The following SWT1 variants were observed in gnomAD, a reference collection of about 807,000 sequenced individuals.
The protein encoded by SWT1 is transcriptional protein SWT1.
A neutral mutation model predicts 107.3 loss-of-function variants in SWT1; 33 were observed. The ratio of observed to expected loss-of-function variants is 0.31; its 90% CI spans 0.23 to 0.41. The LOEUF (loss-of-function observed/expected upper bound fraction) is 0.41. Among genes scored for constraint, SWT1 ranks in the 10% least tolerant of loss-of-function variants. The pLI is 1.00. For missense variants in SWT1, 898 were observed against 1,028.9 expected (o/e 0.87, Z 1.74); for synonymous variants, 345 against 348.3 (o/e 0.99, Z 0.11).
chr1:185,250,162 C>G (rs1453694601), intron 16 of SWT1, among the ~76,000 whole-genome samples: 1 of 152,164 alleles, frequency 6.6e-6, no homozygotes, highest in Non-Finnish European at 1.5e-5. Context: ...GTGTCTCACT[C>G]TGTCATCCAG....
chr1:185,199,285 G>A (rs1657671091), intron 10 of SWT1, among the ~76,000 whole-genome samples: 1 of 152,110 alleles, frequency 6.6e-6, no homozygotes, highest in South Asian at 2.1e-4. Context: ...ATTTGATTCT[G>A]TCATTATGAT....
intron 16 of SWT1, among the ~76,000 whole-genome samples, chr1:185,268,853 C>CTTT (rs71101966): frequency 1.9e-4 from 25 of 134,558 alleles, no homozygotes; most frequent in African/African-American, 5.7e-4. Flanking sequence ...TTCTTTTTCT[C>CTTT]TTTTTTTTTT....
At chr1:185,238,830 C>T (rs1407021296) in intron 16 of SWT1, among the ~76,000 whole-genome samples, 11 of 151,750 alleles carry the variant, frequency 7.2e-5, no homozygotes, top group Non-Finnish European at 1.5e-4. Flanking sequence ...GAAACAAAAT[C>T]ATGTTAAATC....
At chr1:185,243,236 G>A (rs1422053432) in intron 16 of SWT1, among the ~76,000 whole-genome samples, 1 of 152,032 alleles carries the variant, frequency 6.6e-6, no homozygotes, top group Admixed American at 6.6e-5. Flanking sequence ...AGCCTCTGGA[G>A]TACTTGGGAC....
chr1:185,240,128 C>G (rs1046837153), intron 16 of SWT1, among the ~76,000 whole-genome samples: 1 of 151,860 alleles, frequency 6.6e-6, no homozygotes, highest in African/African-American at 2.4e-5. Flanking sequence ...AGCTAGCTGC[C>G]TGATTTAGAA....
At chr1:185,212,172 A>G (rs563291246) in intron 13 of SWT1, among the ~76,000 whole-genome samples, 1 of 152,242 alleles carries the variant, frequency 6.6e-6, no homozygotes, top group African/African-American at 2.4e-5. Flanking sequence ...AAACCTGCAC[A>G]TTGTGCACAT....
intron 10 of SWT1, among the ~76,000 whole-genome samples, chr1:185,191,552 C>T (rs370559524): frequency 6.6e-6 from 1 of 152,014 alleles, no homozygotes; most frequent in East Asian, 1.9e-4. Flanking sequence ...TGGAAACATT[C>T]TAGTCAGTGT....
chr1:185,218,610 CT>C (rs879783007), intron 14 of SWT1, among the ~76,000 whole-genome samples: 20 of 152,176 alleles, frequency 1.3e-4, no homozygotes, highest in Non-Finnish European at 2.6e-4. Flanking sequence ...CATGCCCTGC[CT>C]TTTCCAGATT....
At chr1:185,222,621 C>A (rs943689224) in intron 15 of SWT1, among the ~76,000 whole-genome samples, 1 of 151,682 alleles carries the variant, frequency 6.6e-6, no homozygotes, top group African/African-American at 2.4e-5. Flanking sequence ...AAAAATAAGC[C>A]GGGCGTGATG....
chr1:185,283,120 T>C (rs1664739867), intron 18 of SWT1, among the ~76,000 whole-genome samples: 1 of 152,202 alleles, frequency 6.6e-6, no homozygotes, highest in Non-Finnish European at 1.5e-5. Flanking sequence ...TATGCCACCC[T>C]CCTGGCATAT....
At chr1:185,284,769 T>A (rs1452631930) in intron 18 of SWT1, among the ~76,000 whole-genome samples, 3 of 152,186 alleles carry the variant, frequency 2.0e-5, no homozygotes, top group Non-Finnish European at 4.4e-5. Context: ...AGAGCCCACA[T>A]AGCAAGTGTC....
intron 16 of SWT1, among the ~76,000 whole-genome samples, chr1:185,252,862 C>G (rs1321180573): frequency 4.0e-5 from 6 of 148,944 alleles, no homozygotes; most frequent in Non-Finnish European, 6.0e-5. Context: ...TTGCCCATGC[C>G]TATGTCCTGA....
At chr1:185,229,361 C>T (rs560088393) in intron 15 of SWT1, among the ~76,000 whole-genome samples, 1 of 152,180 alleles carries the variant, frequency 6.6e-6, no homozygotes, top group East Asian at 1.9e-4. Flanking sequence ...GATGATTGTA[C>T]CTGGCAATCC....
chr1:185,283,482 C>CT lies in SWT1; in HGVS notation c.2573+6822dup, dbSNP rs80236301. Among the ~76,000 whole-genome samples, 86 of 152,140 alleles carry CT rather than the reference C, an allele frequency of 5.7e-4. 2 individuals carry two copies. In the East Asian group the frequency reaches 0.015, roughly 27 times the overall value. On this transcript the variant is annotated intron_variant, in intron 18 of 18. Transcript: ENST00000367500. ...GAAATTAGGTACAGCATTTAATTCA[C>CT]TTTTTTTTCTGTCTTGTAAGTTCTT...
At chr1:185,202,851 G>A in intron 11 of SWT1, 52 bp downstream of exon 11, 2 of 1,009,294 alleles carry the variant, frequency 2.0e-6, no homozygotes, top group Non-Finnish European at 1.4e-6. Context: ...TATACACTAA[G>A]ATTATTTATA....
chr1:185,270,750 C>T (rs1663798565), intron 16 of SWT1, among the ~76,000 whole-genome samples: 1 of 152,074 alleles, frequency 6.6e-6, no homozygotes, highest in South Asian at 2.1e-4. Context: ...CTGTGTTTGT[C>T]ATTTGTTATT....
intron 9 of SWT1, 71 bp downstream of exon 9, chr1:185,185,002 A>G (rs1286254004): frequency 4.5e-6 from 5 of 1,099,372 alleles, no homozygotes; most frequent in East Asian, 5.7e-5. Context: ...TTGGAGGGAA[A>G]TGGTGCAAAA....
chr1:185,264,671 G>A (rs1040518491), intron 16 of SWT1, among the ~76,000 whole-genome samples: 15 of 152,114 alleles, frequency 9.9e-5, no homozygotes, highest in East Asian at 3.8e-4. Context: ...GCTGGAAAGC[G>A]GTAAACCTCT....
intron 15 of SWT1, among the ~76,000 whole-genome samples, chr1:185,226,583 C>T (rs1461052690): frequency 6.6e-6 from 1 of 152,076 alleles, no homozygotes; most frequent in African/African-American, 2.4e-5. Context: ...AAATCAGTTG[C>T]AGGTTTGTAG....
Sources: gnomAD v4.1 joint callset for allele counts (sites outside exome capture counted in the v4.1 genomes callset) on GRCh38, gnomAD v4.1.1 for gene constraint, MANE v1.5 for transcripts, NCBI Gene and HGNC (gene_info 2026-07-23, HGNC 2026-07-21) for gene names.